Variants in TBC1D1 observed in about 807,000 individuals in gnomAD.
TBC1D1 encodes the protein TBC1 domain family member 1, also known as TBC1 (tre-2/USP6, BUB2, cdc16) domain family, member 1.
TBC1D1 carries 89 observed loss-of-function variants against 125.6 expected under a neutral mutation model. The observed-to-expected ratio is 0.71, with a 90% CI of 0.60 to 0.85. TBC1D1 has a LOEUF of 0.85. Ranked by LOEUF, TBC1D1 falls within the 40% of genes least tolerant of loss-of-function variation. The pLI is 0.00. For missense variants in TBC1D1, 1,377 were observed against 1,469.2 expected (o/e 0.94, Z 1.03); for synonymous variants, 565 against 564.1 (o/e 1.00, Z -0.02).
At chr4:38,112,035 A>G in intron 15 of TBC1D1, 1 of 985,436 alleles carries the variant, frequency 1.0e-6, no homozygotes, top group Non-Finnish European at 1.2e-6. Flanking sequence ...TGCAGGACAG[A>G]TTTTCTGCAT....
At chr4:38,131,320 A>G (rs1483218952) in intron 18 of TBC1D1, among the ~76,000 whole-genome samples, 1 of 152,230 alleles carries the variant, frequency 6.6e-6, no homozygotes, top group African/African-American at 2.4e-5. Flanking sequence ...TGTACATGAC[A>G]TTTATTCAGC....
intron 15 of TBC1D1, among the ~76,000 whole-genome samples, chr4:38,104,183 A>AAAAAAT (rs869060090): frequency 7.0e-6 from 1 of 142,002 alleles, no homozygotes; most frequent in Non-Finnish European, 1.5e-5. Flanking sequence ...AAAAAAAAAA[A>AAAAAAT]GTGTATGGGA....
At chr4:38,119,357 A>T (rs979678639) in intron 17 of TBC1D1, among the ~76,000 whole-genome samples, 3 of 152,076 alleles carry the variant, frequency 2.0e-5, no homozygotes, top group Admixed American at 2.0e-4. Context: ...TATCTACAAG[A>T]ACCTTTAAAG....
intron 4 of TBC1D1, 33 bp from the exon 5 acceptor site, chr4:38,020,558 A>G (rs1474756300): frequency 1.3e-6 from 2 of 1,570,568 alleles, no homozygotes; most frequent in East Asian, 2.3e-5. Context: ...TCTTCTGGAT[A>G]CAACTGAACA....
chr4:37,960,487 T>C, intron 2 of TBC1D1: 1 of 1,614,098 alleles, frequency 6.2e-7, no homozygotes. Flanking sequence ...GGCACCCGTG[T>C]GGCTGCCAAG....
intron 14 of TBC1D1, among the ~76,000 whole-genome samples, chr4:38,096,410 G>A (rs1161797922): frequency 6.6e-6 from 1 of 152,216 alleles, no homozygotes; most frequent in East Asian, 1.9e-4. Context: ...TGTATGGCTT[G>A]TCTCTGGGTA....
chr4:37,992,710 G>T (rs1736871049), intron 2 of TBC1D1, among the ~76,000 whole-genome samples: 1 of 151,626 alleles, frequency 6.6e-6, no homozygotes, highest in South Asian at 2.1e-4. Flanking sequence ...TAGCCAGATG[G>T]TCTTGATCTC....
At chr4:37,914,537 G>A (rs1719302812) in intron 2 of TBC1D1, among the ~76,000 whole-genome samples, 1 of 152,166 alleles carries the variant, frequency 6.6e-6, no homozygotes, top group South Asian at 2.1e-4. Context: ...GACTACTGCA[G>A]TGTCTCCAAA....
rs1056445228 is a variant in TBC1D1, at chr4:37,952,002, A to G, written c.417+49490A>G. 8.4e-6 allele frequency: 6 copies of G among 717,550 alleles called. No homozygotes were observed. In the African/African-American group the frequency reaches 1.0e-4, roughly 13 times the overall value. The allele number at this position is 717,550 out of a possible 1,614,324, so 44.4% of individuals were successfully genotyped here. A position where few individuals can be genotyped will look rare whatever the true frequency, so the allele number is the denominator to read the frequency against. The stretch of plus-strand genomic sequence containing the variant: ...CTATGTATAAGCCTTTCCCTGTATT[A>G]CAGTGCTCATCATCACTGTAGGGGA... On this transcript the variant is annotated intron_variant, in intron 2 of 19. Coordinates refer to ENST00000261439, the MANE Select transcript of TBC1D1 (RefSeq NM_015173.4).
chr4:37,979,587 G>T (rs78545418), intron 2 of TBC1D1, among the ~76,000 whole-genome samples: 10,613 of 152,244 alleles, frequency 0.07, 434 homozygotes, highest in Non-Finnish European at 0.09. Flanking sequence ...TTTGACTTCA[G>T]AATGCCCCTT....
chr4:38,031,930 C>T (rs971482179), intron 7 of TBC1D1, among the ~76,000 whole-genome samples: 33 of 152,326 alleles, frequency 2.2e-4, no homozygotes, highest in African/African-American at 7.9e-4. Flanking sequence ...TGAAGTATGA[C>T]ATGCATATAG....
At chr4:37,984,089 T>A (rs974176623) in intron 2 of TBC1D1, among the ~76,000 whole-genome samples, 12 of 152,294 alleles carry the variant, frequency 7.9e-5, no homozygotes, top group African/African-American at 1.4e-4. Context: ...CTTTTTTTTT[T>A]AAAATGGCTT....
intron 4 of TBC1D1, 46 bp from the exon 5 acceptor site, chr4:38,020,545 G>A (rs1022548765): frequency 6.4e-5 from 94 of 1,477,096 alleles, no homozygotes; most frequent in Non-Finnish European, 8.2e-5. Flanking sequence ...TGAGGATGGT[G>A]CGTCTTCTGG....
chr4:38,080,355 A>G (rs1197835706), intron 12 of TBC1D1, among the ~76,000 whole-genome samples: 1 of 152,188 alleles, frequency 6.6e-6, no homozygotes, highest in Non-Finnish European at 1.5e-5. Context: ...CAGTCAGGGT[A>G]ACTCCATGTG....
At chr4:38,018,465 T>A (rs188980867) in intron 4 of TBC1D1, 22 bp downstream of exon 4, 230 of 1,421,594 alleles carry the variant, frequency 1.6e-4, no homozygotes, top group East Asian at 3.9e-4. Context: ...TGGGTTTTTT[T>A]ATTCAATTGC....
intron 2 of TBC1D1, among the ~76,000 whole-genome samples, chr4:37,999,907 C>T (rs184485800): frequency 6.6e-6 from 1 of 152,204 alleles, no homozygotes; most frequent in Non-Finnish European, 1.5e-5. Context: ...ACTAGCTAGG[C>T]AATAAATCAC....
chr4:37,963,268 C>T lies in TBC1D1; in HGVS notation c.418-51241C>T, dbSNP rs996136948. Among the ~76,000 whole-genome samples, 6 of 152,166 alleles carry T rather than the reference C, an allele frequency of 3.9e-5. No homozygotes were observed. In the East Asian group the frequency reaches 9.6e-4, roughly 24 times the overall value. On this transcript the variant is annotated intron_variant, in intron 2 of 19. Transcript: ENST00000261439. The stretch of plus-strand genomic sequence containing the variant: ...TTGGCTCACAGTTCTGCAGGCTGTA[C>T]AGGAGGCATGGCAGTGGCATCTGCT...
rs565093072 is a variant in TBC1D1, at chr4:38,071,219, C to T, written c.2050+16881C>T. ...GCTGCAGGTGCCTCTGAAGCCTTGC[C>T]ATCCATGGTCACTTCCTGCCTGCTC... On this transcript the variant is annotated intron_variant, in intron 12 of 19. Coordinates refer to ENST00000261439, the MANE Select transcript of TBC1D1 (RefSeq NM_015173.4). 2.6e-4 allele frequency among the ~76,000 whole-genome samples: 40 copies of T among 152,280 alleles called. No individual in the cohort carries two copies. In the East Asian group the frequency reaches 7.3e-3, roughly 28 times the overall value.
chr4:38,132,495 C>T (rs567667494), intron 18 of TBC1D1, among the ~76,000 whole-genome samples: 2 of 152,308 alleles, frequency 1.3e-5, no homozygotes, highest in African/African-American at 4.8e-5. Context: ...AAGAAGACAA[C>T]TCAGGCATCG....
Sources: gnomAD v4.1 joint callset for allele counts (sites outside exome capture counted in the v4.1 genomes callset) on GRCh38, gnomAD v4.1.1 for gene constraint, MANE v1.5 for transcripts, NCBI Gene and HGNC (gene_info 2026-07-23, HGNC 2026-07-21) for gene names.